The following NUBPL variants were observed in gnomAD, a reference collection of about 807,000 sequenced individuals.
NUBPL encodes the protein iron-sulfur cluster transfer protein NUBPL.
NUBPL carries 31 observed loss-of-function variants against 45.7 expected under a neutral mutation model. The ratio of observed to expected loss-of-function variants is 0.68; its 90% CI spans 0.51 to 0.92. The LOEUF (loss-of-function observed/expected upper bound fraction) is 0.92. NUBPL is among the 40% of genes least tolerant of loss of function. The pLI is 0.00. For missense variants in NUBPL, 401 were observed against 398.7 expected (o/e 1.01, Z -0.05); for synonymous variants, 144 against 140.9 (o/e 1.02, Z -0.15).
chr14:31,821,272 AT>A (rs1262786068), intron 7 of NUBPL, among the ~76,000 whole-genome samples: 1 of 152,198 alleles, frequency 6.6e-6, no homozygotes, highest in Non-Finnish European at 1.5e-5. Context: ...GGGAGAAAAT[AT>A]TTGCAAACTA....
intron 6 of NUBPL, among the ~76,000 whole-genome samples, chr14:31,715,014 A>G (rs1419864915): frequency 6.6e-6 from 1 of 152,222 alleles, no homozygotes; most frequent in African/African-American, 2.4e-5. Flanking sequence ...AGAATTTACT[A>G]AATCAGTCTC....
At chr14:31,722,279 G>A (rs968083042) in intron 6 of NUBPL, among the ~76,000 whole-genome samples, 14 of 152,068 alleles carry the variant, frequency 9.2e-5, no homozygotes, top group African/African-American at 3.4e-4. Context: ...CAAAGTGCTG[G>A]GATTACAGGC....
chr14:31,821,021 G>T (rs140928668), intron 7 of NUBPL, among the ~76,000 whole-genome samples: 2,068 of 152,026 alleles, frequency 0.014, 44 homozygotes, highest in African/African-American at 0.047. Flanking sequence ...TACTCTGGAG[G>T]CTGAGACAGA....
intron 6 of NUBPL, among the ~76,000 whole-genome samples, chr14:31,764,954 T>C (rs951710537): frequency 7.2e-5 from 11 of 152,230 alleles, no homozygotes; most frequent in Non-Finnish European, 1.5e-4. Context: ...CTCATACATG[T>C]ATTCCTTAAT....
chr14:31,842,103 G>C (rs1427051417), intron 8 of NUBPL, among the ~76,000 whole-genome samples: 2 of 151,136 alleles, frequency 1.3e-5, no homozygotes, highest in Non-Finnish European at 2.9e-5. Context: ...GCTAATTTTT[G>C]TATTTTTAGT....
At chr14:31,607,771 G>C (rs1566444274) in intron 4 of NUBPL, among the ~76,000 whole-genome samples, 2 of 152,054 alleles carry the variant, frequency 1.3e-5, no homozygotes, top group Non-Finnish European at 2.9e-5. Context: ...AAATCTAAGG[G>C]TTATTGGCCT....
At chr14:31,727,176 T>G (rs997757678) in intron 6 of NUBPL, among the ~76,000 whole-genome samples, 2 of 152,246 alleles carry the variant, frequency 1.3e-5, no homozygotes, top group Non-Finnish European at 2.9e-5. Context: ...AGATGAACTG[T>G]GCACTAGTAT....
chr14:31,766,965 A>G (rs886563932), intron 6 of NUBPL, among the ~76,000 whole-genome samples: 10 of 152,168 alleles, frequency 6.6e-5, no homozygotes, highest in African/African-American at 2.4e-4. Flanking sequence ...TTCTTAAAAA[A>G]GGAAGCAGAG....
chr14:31,792,549 G>T (rs7157506), intron 7 of NUBPL, among the ~76,000 whole-genome samples: 151,923 of 152,252 alleles, frequency 1, 75,799 homozygotes, highest in Middle Eastern at 1. Flanking sequence ...GTTGTAGCAG[G>T]CAGTGTTAGT....
At chr14:31,835,100 G>A (rs2040261052) in intron 8 of NUBPL, among the ~76,000 whole-genome samples, 1 of 152,172 alleles carries the variant, frequency 6.6e-6, no homozygotes, top group Non-Finnish European at 1.5e-5. Flanking sequence ...AGTTAAGGAG[G>A]TATCATGTGG....
chr14:31,607,132 G>T (rs762064777), intron 4 of NUBPL, among the ~76,000 whole-genome samples: 1 of 152,134 alleles, frequency 6.6e-6, no homozygotes, highest in Non-Finnish European at 1.5e-5. Flanking sequence ...TGTAATCCTA[G>T]CACTTCGTGA....
chr14:31,767,014 A>G (rs2038924449), intron 6 of NUBPL, among the ~76,000 whole-genome samples: 1 of 152,150 alleles, frequency 6.6e-6, no homozygotes, highest in Admixed American at 6.5e-5. Context: ...ATTTTAATCT[A>G]CTGAAAAAAA....
intron 6 of NUBPL, among the ~76,000 whole-genome samples, chr14:31,687,649 C>A (rs2036985293): frequency 6.6e-6 from 1 of 152,218 alleles, no homozygotes; most frequent in South Asian, 2.1e-4. Flanking sequence ...TCTGCGTGAG[C>A]AGTTCATTTC....
chr14:31,717,520 CTATCA>C (rs1327137229), intron 6 of NUBPL, among the ~76,000 whole-genome samples: 1 of 152,212 alleles, frequency 6.6e-6, no homozygotes, highest in African/African-American at 2.4e-5. Context: ...ACATTTTCCC[CTATCA>C]TAGCAAGAAA....
chr14:31,688,170 C>A (rs1389470624), intron 6 of NUBPL, among the ~76,000 whole-genome samples: 1 of 152,032 alleles, frequency 6.6e-6, no homozygotes, highest in African/African-American at 2.4e-5. Flanking sequence ...TTAATGCCAG[C>A]AAAGTATGGT....
chr14:31,729,475 T>C (rs1413957818), intron 6 of NUBPL, among the ~76,000 whole-genome samples: 1 of 152,160 alleles, frequency 6.6e-6, no homozygotes, highest in African/African-American at 2.4e-5. Flanking sequence ...CTTTTATAAA[T>C]AATCCACAAT....
chr14:31,802,823 AG>A (rs2039618556), intron 7 of NUBPL, among the ~76,000 whole-genome samples: 1 of 152,216 alleles, frequency 6.6e-6, no homozygotes. Context: ...ATAGAAGGAA[AG>A]CCAGAGGTCT....
intron 7 of NUBPL, among the ~76,000 whole-genome samples, chr14:31,813,058 G>A (rs1216185035): frequency 6.7e-6 from 1 of 149,374 alleles, no homozygotes; most frequent in East Asian, 2.0e-4. Context: ...GGTGTATCTC[G>A]GCTCACTGCA....
intron 8 of NUBPL, chr14:31,845,390 G>C (rs887948703): frequency 6.6e-6 from 1 of 152,132 alleles, no homozygotes; most frequent in Non-Finnish European, 1.5e-5. Context: ...GGCTGGGCAC[G>C]GTAGCTCACT....
Sources: allele counts gnomAD v4.1 joint callset (sites outside exome capture counted in the v4.1 genomes callset), GRCh38; gene constraint gnomAD v4.1.1; transcripts MANE v1.5; gene names NCBI Gene and HGNC (gene_info 2026-07-23, HGNC 2026-07-21).